Variants in NUDC observed in about 807,000 individuals in gnomAD.
NUDC encodes the protein nuclear distribution C, dynein complex regulator, also known as nuclear migration protein nudC.
In NUDC, 14 loss-of-function variants were observed where a neutral mutation model predicts 45.0. The ratio of observed to expected loss-of-function variants is 0.31; its 90% CI spans 0.21 to 0.49. The LOEUF is 0.49. Among genes scored for constraint, NUDC ranks in the 20% least tolerant of loss-of-function variants. NUDC has a pLI of 0.99. For missense variants in NUDC, 323 were observed against 426.2 expected, an observed-to-expected ratio of 0.76 and a Z score of 2.13; for synonymous variants, 153 against 156.7, an observed-to-expected ratio of 0.98 and a Z score of 0.17.
chr1:26,941,371 C>T (rs2082274659), intron 2 of NUDC, 86 bp from the exon 3 acceptor site: 1 of 1,430,752 alleles, frequency 7.0e-7, no homozygotes, highest in Admixed American at 1.9e-5. Context: ...GCCCTTGCAC[C>T]CAGCAGGTAG....
upstream of NUDC, among the ~76,000 whole-genome samples, chr1:26,920,428 C>T (rs951239467): frequency 1.3e-5 from 2 of 151,740 alleles, no homozygotes; most frequent in African/African-American, 2.4e-5. Flanking sequence ...TTGCAGTGAG[C>T]TGAGATCGTG....
At chr1:26,932,589 C>A (rs75065516) in intron 2 of NUDC, among the ~76,000 whole-genome samples, 1 of 152,088 alleles carries the variant, frequency 6.6e-6, no homozygotes, top group Non-Finnish European at 1.5e-5. Flanking sequence ...TCCCAAAGTT[C>A]TAGGATAACA....
intron 2 of NUDC, among the ~76,000 whole-genome samples, chr1:26,905,450 G>A (rs2081999220): frequency 6.6e-6 from 1 of 151,920 alleles, no homozygotes; most frequent in Admixed American, 6.6e-5. Context: ...CGTGAGCCCA[G>A]CCACAAGATG....
At chr1:26,911,657 G>A (rs575553464) in intron 3 of NUDC, 7 of 678,202 alleles carry the variant, frequency 1.0e-5, no homozygotes, top group African/African-American at 5.3e-5. Context: ...CAGGCAGCTG[G>A]AACACTGTGT....
intron 3 of NUDC, among the ~76,000 whole-genome samples, chr1:26,914,254 T>C (rs1017327148): frequency 6.6e-6 from 1 of 152,142 alleles, no homozygotes; most frequent in Non-Finnish European, 1.5e-5. Context: ...AACAAGGTCA[T>C]TAACTCAGGC....
Position 26,941,657 on chromosome 1 carries a change from C to T in NUDC, c.360C>T (p.Asp120=), listed in dbSNP as rs1258518854. 1.2e-6 allele frequency: 2 copies of T among 1,611,948 alleles called. No individual in the cohort carries two copies. Among genetic ancestry groups the T allele is most frequent in the Admixed American group, 1.7e-5 (1 of 59,552 alleles). ...EEAERLQLEI[D]QKKDAENHEA... Reference sequence around the variant, plus strand: ...CAGAGAGGCTGCAGCTAGAGATTGACCAGGTGAAGGGTGGGCTTCCCTTCT... The same window carrying T: ...CAGAGAGGCTGCAGCTAGAGATTGATCAGGTGAAGGGTGGGCTTCCCTTCT... The change falls in exon 3 of 9, where the codon GAC becomes GAT. Residue 120 remains aspartate, a synonymous_variant. Transcript: ENST00000321265.
intron 1 of NUDC, among the ~76,000 whole-genome samples, 160 bp from the exon 2 acceptor site, chr1:26,923,928 AC>A (rs1357695288): frequency 6.6e-6 from 1 of 152,152 alleles, no homozygotes; most frequent in East Asian, 1.9e-4. Context: ...GGTGGAAGTG[AC>A]TAAGAGAACC....
chr1:26,940,284 C>G (rs1315532707), intron 2 of NUDC, among the ~76,000 whole-genome samples: 2 of 152,148 alleles, frequency 1.3e-5, no homozygotes, highest in East Asian at 3.9e-4. Flanking sequence ...CGAGACCAGC[C>G]TGACCAACAT....
At chr1:26,923,157 G>A (rs911632205) in intron 1 of NUDC, among the ~76,000 whole-genome samples, 2 of 152,190 alleles carry the variant, frequency 1.3e-5, no homozygotes, top group Non-Finnish European at 2.9e-5. Context: ...GTGGCAGACA[G>A]ACTAAGCCAT....
intron 2 of NUDC, among the ~76,000 whole-genome samples, chr1:26,906,669 G>C (rs2082004345): frequency 6.6e-6 from 1 of 151,600 alleles, no homozygotes; most frequent in South Asian, 2.1e-4. Flanking sequence ...CTAACATGGT[G>C]AAACCCTGTC....
intron 3 of NUDC, among the ~76,000 whole-genome samples, chr1:26,916,667 A>T (rs912521943): frequency 2.6e-5 from 4 of 151,848 alleles, no homozygotes; most frequent in African/African-American, 9.7e-5. Flanking sequence ...ATACTAAAAA[A>T]CCAAGAACTG....
At chr1:26,932,921 C>T (rs1247146384) in intron 2 of NUDC, among the ~76,000 whole-genome samples, 5 of 152,174 alleles carry the variant, frequency 3.3e-5, no homozygotes, top group Non-Finnish European at 7.3e-5. Context: ...GGATTTCCAT[C>T]CCCTTTAAGG....
intron 2 of NUDC, among the ~76,000 whole-genome samples, chr1:26,905,414 G>A (rs1217406343): frequency 6.6e-6 from 1 of 152,024 alleles, no homozygotes; most frequent in Non-Finnish European, 1.5e-5. Flanking sequence ...TCCTGCCTCA[G>A]CCTCCCAAAG....
At chr1:26,908,048 G>A (rs545737891) in intron 2 of NUDC, among the ~76,000 whole-genome samples, 1 of 152,224 alleles carries the variant, frequency 6.6e-6, no homozygotes, top group African/African-American at 2.4e-5. Flanking sequence ...GCGTGGTGGT[G>A]GGTGCCTGTA....
intron 2 of NUDC, among the ~76,000 whole-genome samples, chr1:26,927,796 T>TGG (rs2124105290): frequency 6.6e-6 from 1 of 152,230 alleles, no homozygotes; most frequent in East Asian, 1.9e-4. Context: ...CAGAATCCCT[T>TGG]GGGGCCACAT....
chr1:26,945,794 C>G (rs986377926), intron 8 of NUDC, 108 bp downstream of exon 8: 14 of 868,682 alleles, frequency 1.6e-5, no homozygotes, highest in Non-Finnish European at 2.8e-5. Flanking sequence ...GCCCTGCCCC[C>G]TTTCCAGCCA....
intron 3 of NUDC, chr1:26,911,965 G>A: frequency 6.2e-7 from 1 of 1,614,236 alleles, no homozygotes; most frequent in Non-Finnish European, 8.5e-7. Flanking sequence ...AGGCCGTGAG[G>A]AGGACACGGG....
rs13375640 is a variant in NUDC at position 26,937,757 on chromosome 1, A to G, written c.160-3700A>G. On this transcript the variant is annotated intron_variant, in intron 2 of 8. Transcript: ENST00000321265. ...AGTCTTGACCTCCCAGGCTCAAGCA[A>G]TCCCCCTGCCTCAGTCTCTCGAGTA... is the stretch of plus-strand genomic sequence containing the variant. 3.9e-3 allele frequency among the ~76,000 whole-genome samples: 587 copies of G among 151,990 alleles called. 4 individuals carry two copies. Among genetic ancestry groups the G allele is most frequent in the African/African-American group, 0.012 (491 of 41,448 alleles).
intron 2 of NUDC, among the ~76,000 whole-genome samples, chr1:26,933,517 G>A (rs1351530530): frequency 3.3e-5 from 5 of 151,872 alleles, no homozygotes; most frequent in Non-Finnish European, 7.4e-5. Context: ...GGGTTCAAGC[G>A]ATTCTCCTGC....
Sources: allele counts gnomAD v4.1 joint callset (sites outside exome capture counted in the v4.1 genomes callset), GRCh38; gene constraint gnomAD v4.1.1; transcripts MANE v1.5; gene names NCBI Gene and HGNC (gene_info 2026-07-23, HGNC 2026-07-21).